Variants in FADS3 observed in about 807,000 individuals in gnomAD.
The protein encoded by FADS3 is cytochrome b5-related protein.
Under a neutral mutation model 60.4 loss-of-function variants are expected in FADS3, and 30 were observed. That is an observed-to-expected ratio of 0.50 (90% CI 0.37 to 0.67). The LOEUF (loss-of-function observed/expected upper bound fraction) is 0.67, where lower values mean the gene tolerates loss of function less well. FADS3 is among the 30% of genes least tolerant of loss of function. The probability of loss-of-function intolerance (pLI) is 0.00; values close to 1 mark genes in which losing one functional copy is unlikely to be tolerated. For missense variants in FADS3, 432 were observed against 598.3 expected (o/e 0.72, Z 2.90); for synonymous variants, 234 against 249.3 (o/e 0.94, Z 0.58).
chr11:61,888,524 C>A (rs1257215371), intron 1 of FADS3, among the ~76,000 whole-genome samples: 1 of 152,264 alleles, frequency 6.6e-6, no homozygotes, highest in African/African-American at 2.4e-5. Flanking sequence ...CTAGTCCAGG[C>A]TGTGGGGCCT....
intron 1 of FADS3, among the ~76,000 whole-genome samples, chr11:61,889,539 C>G (rs1330385471): frequency 2.6e-5 from 4 of 151,920 alleles, no homozygotes; most frequent in East Asian, 2.0e-4. Flanking sequence ...CCCAGCTACT[C>G]GGGAGGCTGA....
chr11:61,878,098 G>A, intron 6 of FADS3, 57 bp downstream of exon 6: 1 of 1,507,380 alleles, frequency 6.6e-7, no homozygotes, highest in South Asian at 1.1e-5. Context: ...AGGACAGCAG[G>A]GAGGACAGTG....
intron 1 of FADS3, among the ~76,000 whole-genome samples, chr11:61,886,956 A>C (rs923754259): frequency 2.0e-5 from 3 of 152,120 alleles, no homozygotes; most frequent in Non-Finnish European, 2.9e-5. Context: ...GGATTTTCCC[A>C]CAGTTGTTAG....
At chr11:61,884,554 G>A (rs1165078307) in intron 1 of FADS3, among the ~76,000 whole-genome samples, 1 of 152,216 alleles carries the variant, frequency 6.6e-6, no homozygotes, top group Non-Finnish European at 1.5e-5. Context: ...TAGGTGGTGT[G>A]CGGGGGTCCT....
At chr11:61,879,900 G>A (rs1482543974) in intron 2 of FADS3, 141 bp downstream of exon 2, 1 of 647,556 alleles carries the variant, frequency 1.5e-6, no homozygotes, top group Non-Finnish European at 2.6e-6. Context: ...CCCCTGGGAG[G>A]GGAGGGCAGG....
chr11:61,888,984 C>T (rs1454129698), intron 1 of FADS3, among the ~76,000 whole-genome samples: 1 of 152,200 alleles, frequency 6.6e-6, no homozygotes, highest in Non-Finnish European at 1.5e-5. Flanking sequence ...GAACCTCCGT[C>T]TCCTGGGTTC....
intron 11 of FADS3, 147 bp downstream of exon 11, chr11:61,875,704 G>T: frequency 2.1e-6 from 2 of 962,204 alleles, no homozygotes; most frequent in Non-Finnish European, 1.5e-6. Context: ...CACTGTGTGC[G>T]TGAAGGCTGG....
intron 11 of FADS3, among the ~76,000 whole-genome samples, chr11:61,875,177 G>C (rs1045122033): frequency 2.0e-5 from 3 of 152,152 alleles, no homozygotes; most frequent in African/African-American, 7.2e-5. Flanking sequence ...CGTGTGAGGG[G>C]ATGTCCCAAC....
In FADS3 at chr11:61,884,570, T is replaced by A. The variant is rs552074174; in HGVS notation, c.214-4419A>T. Among the ~76,000 whole-genome samples, 31 of 152,214 alleles carry A rather than the reference T, an allele frequency of 2.0e-4. No homozygotes were observed. In the East Asian group the frequency reaches 5.8e-3, roughly 28 times the overall value. The stretch of plus-strand genomic sequence containing the variant: ...AGGTGGTGTGCGGGGGTCCTTGCCG[T>A]GAGGCCAGTCACTATCTCAAGAAGC... On this transcript the variant is annotated intron_variant, in intron 1 of 11. Transcript: ENST00000278829.
chr11:61,878,436 G>A (rs750112001), intron 5 of FADS3, 76 bp downstream of exon 5: 108 of 1,565,276 alleles, frequency 6.9e-5, no homozygotes, highest in Non-Finnish European at 9.1e-5. Context: ...GTCAGGGGCA[G>A]AGTGGGGACC....
Position 61,876,014 on chromosome 11 carries a change from A to C in FADS3, c.1161-38T>G. On this transcript the variant is annotated intron_variant, in intron 10 of 11. Coordinates refer to ENST00000278829, the MANE Select transcript of FADS3 (RefSeq NM_021727.5). The surrounding 1 kb of genome is among the most constrained non-coding windows in gnomAD (Gnocchi z 5.7). Reference sequence around the variant, plus strand: ...AGCGTATGCTGGCACCTGAAGTGGGAGATTCCAGAGAGAGGCCCCACCCAC... The same window carrying C: ...AGCGTATGCTGGCACCTGAAGTGGGCGATTCCAGAGAGAGGCCCCACCCAC... 1 of 1,612,600 alleles carries C rather than the reference A, an allele frequency of 6.2e-7. No individual in the cohort carries two copies. Among genetic ancestry groups the C allele is most frequent in the Non-Finnish European group, 8.5e-7 (1 of 1,179,490 alleles).
At chr11:61,878,341 C>A in intron 5 of FADS3, 126 bp from the exon 6 acceptor site, 2 of 1,356,676 alleles carry the variant, frequency 1.5e-6, no homozygotes, top group South Asian at 2.5e-5. Context: ...GCGGGCTGGT[C>A]GTCCCCAGCA....
chr11:61,891,472 C>G lies in FADS3; in HGVS notation c.-91G>C, dbSNP rs1461700631. ...CGAAGAGCGCTCCCGGGCGCCGCCTCCGCCGCCGCCCGCTGCTCCGGCCCC... is the reference window on the plus strand; with the variant it reads ...CGAAGAGCGCTCCCGGGCGCCGCCTGCGCCGCCGCCCGCTGCTCCGGCCCC... On this transcript the variant is annotated 5_prime_UTR_variant, in exon 1 of 12. Transcript: ENST00000278829. The G allele has an allele frequency of 2.3e-6, 2 of 868,582 alleles. No homozygotes were observed. The highest frequency in any genetic ancestry group is 6.8e-5 in the East Asian group (2 of 29,432). 53.8% of individuals were successfully genotyped at this position (868,582 alleles called of 1,614,324 possible).
chr11:61,884,763 C>T (rs1363504853), intron 1 of FADS3, among the ~76,000 whole-genome samples: 2 of 152,216 alleles, frequency 1.3e-5, no homozygotes, highest in African/African-American at 2.4e-5. Flanking sequence ...CCCCAACCCC[C>T]ACACGCACCC....
At position 61,876,613 on chromosome 11, in the gene FADS3, G is replaced by T; in HGVS notation, c.984-158C>A. On this transcript the variant is annotated intron_variant, in intron 8 of 11. Transcript: ENST00000278829. The surrounding 1 kb of genome is among the most constrained non-coding windows in gnomAD (Gnocchi z 5.7). ...TTGCCAGTGTTTAAAGAATCTGAAT[G>T]GAGCAGTGTCCACTGTGAGGCTGAG... The T allele has an allele frequency of 1.5e-6, 1 of 682,488 alleles. No homozygotes were observed. Among genetic ancestry groups the T allele is most frequent in the Non-Finnish European group, 2.6e-6 (1 of 386,750 alleles). 42.3% of individuals were successfully genotyped at this position (682,488 alleles called of 1,614,324 possible). A position where few individuals can be genotyped will look rare whatever the true frequency, so the allele number is the denominator to read the frequency against.
At chr11:61,879,194 C>T in intron 3 of FADS3, 118 bp downstream of exon 3, 1 of 907,430 alleles carries the variant, frequency 1.1e-6, no homozygotes, top group Non-Finnish European at 1.7e-6. Flanking sequence ...TTTATTCATC[C>T]ATTCATCCTT....
In FADS3 at chr11:61,878,809, G is replaced by A; in HGVS notation, c.561C>T (p.Ala187=). The A allele has an allele frequency of 6.2e-7, 1 of 1,614,182 alleles. No individual in the cohort carries two copies. Among genetic ancestry groups the A allele is most frequent in the Non-Finnish European group, 8.5e-7 (1 of 1,180,026 alleles). Residue 187 remains alanine, a synonymous_variant, in exon 4 of 12, where the codon GCC becomes GCT. Transcript: ENST00000278829. ...SWCLQHDLGH[A]SIFKKSWWNH... ...TCCACCAGGACTTCTTGAAGATGGAGGCATGGCCCAGGTCATGCTGCAGAC... is the reference window on the plus strand; with the variant it reads ...TCCACCAGGACTTCTTGAAGATGGAAGCATGGCCCAGGTCATGCTGCAGAC...
At position 61,876,031 on chromosome 11, in the gene FADS3, C is replaced by A; in HGVS notation, c.1161-55G>T. On this transcript the variant is annotated intron_variant, in intron 10 of 11. Coordinates refer to ENST00000278829, the MANE Select transcript of FADS3 (RefSeq NM_021727.5). This position sits in a 1 kb window ranked among gnomAD's most constrained non-coding sequence, Gnocchi z 5.7. ...GAAGTGGGAGATTCCAGAGAGAGGC[C>A]CCACCCACGGGTCCCCTCCCAGGAT... 2 of 1,611,682 alleles carry A rather than the reference C, an allele frequency of 1.2e-6. No individual in the cohort carries two copies. Among genetic ancestry groups the A allele is most frequent in the Non-Finnish European group, 1.7e-6 (2 of 1,179,000 alleles).
At chr11:61,879,783 A>G (rs984522074) in intron 2 of FADS3, among the ~76,000 whole-genome samples, 6 of 152,238 alleles carry the variant, frequency 3.9e-5, no homozygotes, top group African/African-American at 1.4e-4. Context: ...ACTGGGCGAC[A>G]ACAGGGAGGG....
Sources: gnomAD v4.1 joint callset for allele counts (sites outside exome capture counted in the v4.1 genomes callset) on GRCh38, gnomAD v4.1.1 for gene constraint, Gnocchi (gnomAD v3.1) non-coding constraint, MANE v1.5 for transcripts, NCBI Gene and HGNC (gene_info 2026-07-23, HGNC 2026-07-21) for gene names.